Variants in ZMIZ1 observed in about 807,000 individuals in gnomAD.
ZMIZ1 encodes the protein zinc finger MIZ domain-containing protein 1.
ZMIZ1 carries 17 observed loss-of-function variants against 113.9 expected under a neutral mutation model. The ratio of observed to expected loss-of-function variants is 0.15; its 90% CI spans 0.10 to 0.22. The LOEUF (loss-of-function observed/expected upper bound fraction) is 0.22, where lower values mean the gene tolerates loss of function less well. ZMIZ1 is among the 10% of genes least tolerant of loss of function. ZMIZ1 has a pLI of 1.00. For synonymous variants in ZMIZ1, 607 were observed against 603.1 expected (o/e 1.01, Z -0.09); for missense variants, 1,059 against 1,477.8 (o/e 0.72, Z 4.65).
chr10:79,208,693 G>A (rs763726756), intron 6 of ZMIZ1, among the ~76,000 whole-genome samples: 3 of 152,232 alleles, frequency 2.0e-5, no homozygotes, highest in Non-Finnish European at 2.9e-5. Flanking sequence ...CACACTTGAT[G>A]AGAAAGACGC....
At chr10:79,268,730 A>G (rs1589527204) in intron 7 of ZMIZ1, among the ~76,000 whole-genome samples, 1 of 152,228 alleles carries the variant, frequency 6.6e-6, no homozygotes, top group East Asian at 1.9e-4. Flanking sequence ...AGCAACTGCC[A>G]TCTACCAGGC....
At chr10:79,275,535 T>C (rs1297880520) in intron 7 of ZMIZ1, among the ~76,000 whole-genome samples, 1 of 152,220 alleles carries the variant, frequency 6.6e-6, no homozygotes, top group Non-Finnish European at 1.5e-5. Flanking sequence ...TCTGGGCGGC[T>C]TGGGATGGCA....
chr10:79,141,794 A>C (rs937661944), intron 3 of ZMIZ1, among the ~76,000 whole-genome samples: 1 of 152,148 alleles, frequency 6.6e-6, no homozygotes, highest in Non-Finnish European at 1.5e-5. Context: ...TGTTCAAAGA[A>C]ATGCAAATAA....
At chr10:79,165,994 GT>G (rs1367691948) in intron 4 of ZMIZ1, among the ~76,000 whole-genome samples, 17 of 97,636 alleles carry the variant, frequency 1.7e-4, no homozygotes, top group Non-Finnish European at 2.8e-4. Flanking sequence ...GTGTGTGTGT[GT>G]GTGTGTGGGC....
intron 4 of ZMIZ1, among the ~76,000 whole-genome samples, chr10:79,165,511 TCAG>T (rs148520122): frequency 0.059 from 9,045 of 152,136 alleles, 384 homozygotes; most frequent in Middle Eastern, 0.11. Context: ...GTGTGATTGT[TCAG>T]CAGGACGTGA....
At position 79,216,956 on chromosome 10, in the gene ZMIZ1, C is replaced by T. The variant is rs184253121; in HGVS notation, c.280+682C>T. Among the ~76,000 whole-genome samples the T allele has an allele frequency of 2.6e-5, 4 of 152,338 alleles. No individual in the cohort carries two copies. In the East Asian group the frequency reaches 7.7e-4, roughly 29 times the overall value. ...ACTTTAAAGATACAGTTTTATTTTACATTTCCCACCATCCTCATAACCTGG... is the reference window on the plus strand; with the variant it reads ...ACTTTAAAGATACAGTTTTATTTTATATTTCCCACCATCCTCATAACCTGG... On this transcript the variant is annotated intron_variant, in intron 7 of 24. Coordinates refer to ENST00000334512, the MANE Select transcript of ZMIZ1 (RefSeq NM_020338.4).
intron 1 of ZMIZ1, among the ~76,000 whole-genome samples, chr10:79,073,537 C>A (rs984405686): frequency 1.3e-5 from 2 of 152,190 alleles, no homozygotes; most frequent in African/African-American, 4.8e-5. Context: ...ATCCACACCT[C>A]CTGACCCCAC....
chr10:79,112,368 G>T (rs1457730298), intron 1 of ZMIZ1, among the ~76,000 whole-genome samples: 1 of 152,226 alleles, frequency 6.6e-6, no homozygotes, highest in African/African-American at 2.4e-5. Context: ...TCAGGTGGGA[G>T]CATGGGTGTG....
intron 1 of ZMIZ1, among the ~76,000 whole-genome samples, chr10:79,106,377 C>A (rs1470434738): frequency 1.3e-5 from 2 of 152,220 alleles, no homozygotes; most frequent in Admixed American, 6.5e-5. Context: ...AATAGCAATT[C>A]TGAGGCTACA....
At chr10:79,153,836 C>A (rs564874393) in intron 3 of ZMIZ1, among the ~76,000 whole-genome samples, 4 of 152,252 alleles carry the variant, frequency 2.6e-5, no homozygotes, top group Non-Finnish European at 5.9e-5. Context: ...ACAGGACTTT[C>A]CTTTGTCCGG....
rs752047792 is a variant in ZMIZ1 at position 79,293,660 on chromosome 10, G to A, written c.1230+7G>A. On this transcript the variant is annotated splice_region_variant and intron_variant, in intron 12 of 24. Transcript: ENST00000334512. ...GAGGCCATACCCTGGAGAGGTGAGT[G>A]CAGCAGTGGGAGCCTGGGAGGTGGG... The A allele has an allele frequency of 1.9e-6, 3 of 1,613,156 alleles. No homozygotes were observed. The Admixed American group carries it at 5.0e-5, about 27-fold the overall frequency.
At chr10:79,182,562 T>G (rs991164129) in intron 4 of ZMIZ1, among the ~76,000 whole-genome samples, 1 of 152,168 alleles carries the variant, frequency 6.6e-6, no homozygotes, top group African/African-American at 2.4e-5. Flanking sequence ...GGGATGGGAT[T>G]AAATACCAGC....
intron 1 of ZMIZ1, among the ~76,000 whole-genome samples, chr10:79,117,295 A>G (rs1176231008): frequency 6.6e-6 from 1 of 152,194 alleles, no homozygotes; most frequent in Non-Finnish European, 1.5e-5. Context: ...GATAGGAGGA[A>G]CTCCAGAGGA....
At chr10:79,273,821 G>C (rs376495236) in intron 7 of ZMIZ1, among the ~76,000 whole-genome samples, 4 of 152,406 alleles carry the variant, frequency 2.6e-5, no homozygotes, top group Admixed American at 1.3e-4. Flanking sequence ...GAGGGTGGCC[G>C]TGGGTCTAAT....
intron 7 of ZMIZ1, among the ~76,000 whole-genome samples, chr10:79,237,512 AG>A (rs1460159463): frequency 6.6e-6 from 1 of 152,200 alleles, no homozygotes; most frequent in East Asian, 1.9e-4. Context: ...AGAAGGCTCT[AG>A]GGAAGGATCT....
intron 18 of ZMIZ1, among the ~76,000 whole-genome samples, chr10:79,302,879 T>TTTTGG (rs1564601581): frequency 7.0e-6 from 1 of 142,242 alleles, no homozygotes; most frequent in Non-Finnish European, 1.6e-5. Flanking sequence ...TTTTTTTTTT[T>TTTTGG]GAGACGGAGT....
chr10:79,258,564 T>C (rs1851061910), intron 7 of ZMIZ1, among the ~76,000 whole-genome samples: 1 of 152,198 alleles, frequency 6.6e-6, no homozygotes, highest in African/African-American at 2.4e-5. Flanking sequence ...CAGTGTACTG[T>C]GTTATCCCAT....
chr10:79,279,719 G>A (rs1317636843), intron 8 of ZMIZ1, among the ~76,000 whole-genome samples: 3 of 152,226 alleles, frequency 2.0e-5, no homozygotes, highest in Non-Finnish European at 2.9e-5. Flanking sequence ...CCGGCACCTT[G>A]GGAGGCTGAG....
At chr10:79,251,832 C>T (rs11002892) in intron 7 of ZMIZ1, among the ~76,000 whole-genome samples, 37,254 of 152,154 alleles carry the variant, frequency 0.24, 5,618 homozygotes, top group South Asian at 0.4. Flanking sequence ...CCCTGGAAAA[C>T]GGACAGAAGC....
Sources: allele counts gnomAD v4.1 joint callset (sites outside exome capture counted in the v4.1 genomes callset), GRCh38; gene constraint gnomAD v4.1.1; transcripts MANE v1.5; gene names NCBI Gene and HGNC (gene_info 2026-07-23, HGNC 2026-07-21).